The following KREMEN1 variants were observed in gnomAD, a reference collection of about 807,000 sequenced individuals.
KREMEN1 encodes the protein kringle containing transmembrane protein 1.
In KREMEN1, 30 loss-of-function variants were observed where a neutral mutation model predicts 46.5. That is an observed-to-expected ratio of 0.65 (90% CI 0.48 to 0.88). KREMEN1 has a LOEUF of 0.88. Ranked by LOEUF, KREMEN1 falls within the 40% of genes least tolerant of loss-of-function variation. KREMEN1 has a pLI of 0.00. For missense variants in KREMEN1, 533 were observed against 596.9 expected (o/e 0.89, Z 1.11); for synonymous variants, 214 against 230.6 (o/e 0.93, Z 0.65).
chr22:29,106,870 G>GT (rs1184076472), intron 3 of KREMEN1, among the ~76,000 whole-genome samples: 2 of 152,236 alleles, frequency 1.3e-5, no homozygotes, highest in Admixed American at 1.3e-4. Context: ...GGTTAACTCA[G>GT]TGGCGACAGA....
chr22:29,093,521 A>G (rs775209192), intron 1 of KREMEN1, among the ~76,000 whole-genome samples: 5 of 152,226 alleles, frequency 3.3e-5, no homozygotes, highest in Non-Finnish European at 7.3e-5. Context: ...TTAGAAACAC[A>G]TTGTTGCACC....
chr22:29,110,392 G>A (rs994173129), intron 3 of KREMEN1, among the ~76,000 whole-genome samples: 3 of 152,226 alleles, frequency 2.0e-5, no homozygotes, highest in East Asian at 1.9e-4. Flanking sequence ...GGCAAGGCCC[G>A]ATTTAAGAAG....
chr22:29,127,044 A>G (rs1489827408), intron 5 of KREMEN1, among the ~76,000 whole-genome samples: 1 of 152,236 alleles, frequency 6.6e-6, no homozygotes, highest in African/African-American at 2.4e-5. Flanking sequence ...AACTCAGGAG[A>G]GTAAGTTTTC....
rs2038857634 is a variant in KREMEN1 at position 29,146,141 on chromosome 22, G to C, written c.*4029G>C. On this transcript the variant is annotated 3_prime_UTR_variant, in exon 9 of 9. Coordinates refer to ENST00000400335, the MANE Select transcript of KREMEN1 (RefSeq NM_001039570.3). ...CACCACCTGGCACCGTTAGGTTTCA[G>C]ATCTCCCGTGTGGTGTTTGATGTCG... The C allele has an allele frequency of 7.1e-6, 7 of 985,876 alleles. No individual in the cohort carries two copies. The highest frequency in any genetic ancestry group is 8.4e-6 in the Non-Finnish European group (7 of 830,038). The allele number at this position is 985,876 out of a possible 1,614,324, so 61.1% of individuals were successfully genotyped here.
In KREMEN1 at chr22:29,098,919, C is replaced by T. The variant is rs375111393; in HGVS notation, c.318C>T (p.Val106=). The T allele has an allele frequency of 2.5e-6, 4 of 1,613,920 alleles. No homozygotes were observed. Among genetic ancestry groups the T allele is most frequent in the Non-Finnish European group, 3.4e-6 (4 of 1,179,906 alleles). ...WCYVAEHEDG[V]YWKYCEIPAC... ...ATGTGGCAGAGCACGAGGATGGTGT[C>T]TACTGGAAGTACTGTGAGATACCTG... The change falls in exon 3 of 9, where the codon GTC becomes GTT. Residue 106 remains valine (V), a synonymous_variant. Transcript: ENST00000400335.
In KREMEN1 at chr22:29,121,491, CTG is replaced by C. The variant is rs762066236; in HGVS notation, c.477+13_477+14del. ...GAGTCAGAGGTTCAAGGTGATGACT[CTG>C]TGGCTGTGTAACTATAGAAAAATAT... On this transcript the variant is annotated intron_variant, in intron 4 of 8. Transcript: ENST00000400335. 7.2e-5 allele frequency: 116 copies of C among 1,611,794 alleles called. No homozygotes were observed. The highest frequency in any genetic ancestry group is 8.7e-5 in the Non-Finnish European group (102 of 1,179,108).
intron 2 of KREMEN1, among the ~76,000 whole-genome samples, chr22:29,095,526 T>A (rs16987051): frequency 0.086 from 13,155 of 152,270 alleles, 826 homozygotes; most frequent in African/African-American, 0.17. Context: ...TTATTATTAG[T>A]ACAGGTGCAA....
In KREMEN1 at chr22:29,077,391, C is replaced by G. The variant is rs145192209; in HGVS notation, c.97+4164C>G. Among the ~76,000 whole-genome samples, 469 of 152,224 alleles carry G rather than the reference C, an allele frequency of 3.1e-3. 3 individuals carry two copies. The highest frequency in any genetic ancestry group is 0.011 in the African/African-American group (455 of 41,522). Reference sequence around the variant, plus strand: ...AAGAGACGGAGTCTCACTCTGTCACCCAAGCTGAAGTGCAGTGGCGCAATC... The same window carrying G: ...AAGAGACGGAGTCTCACTCTGTCACGCAAGCTGAAGTGCAGTGGCGCAATC... On this transcript the variant is annotated intron_variant, in intron 1 of 8. Coordinates refer to ENST00000400335, the MANE Select transcript of KREMEN1 (RefSeq NM_001039570.3).
intron 1 of KREMEN1, among the ~76,000 whole-genome samples, chr22:29,075,393 T>C (rs1190511390): frequency 1.3e-5 from 2 of 152,186 alleles, no homozygotes; most frequent in Admixed American, 1.3e-4. Context: ...CAGATATCTT[T>C]GCTTTTTTAA....
At chr22:29,139,851 C>T (rs944464768) in intron 7 of KREMEN1, among the ~76,000 whole-genome samples, 33 of 152,270 alleles carry the variant, frequency 2.2e-4, no homozygotes, top group African/African-American at 7.9e-4. Flanking sequence ...AGGGCCTGTC[C>T]AGCACTTCCT....
intron 1 of KREMEN1, among the ~76,000 whole-genome samples, chr22:29,076,742 C>A (rs930816059): frequency 6.6e-6 from 1 of 152,174 alleles, no homozygotes; most frequent in African/African-American, 2.4e-5. Flanking sequence ...ATCCCAGCTA[C>A]TTGGGAGGCT....
At chr22:29,138,514 C>A in intron 6 of KREMEN1, 110 bp from the exon 7 acceptor site, 1 of 1,149,514 alleles carries the variant, frequency 8.7e-7, no homozygotes, top group Non-Finnish European at 1.3e-6. Context: ...GGAATTGCAC[C>A]CAGAATTGAA....
At chr22:29,100,045 TCTTCTTTCTTC>T (rs1338264936) in intron 3 of KREMEN1, among the ~76,000 whole-genome samples, 12 of 151,630 alleles carry the variant, frequency 7.9e-5, no homozygotes, top group African/African-American at 2.9e-4. Context: ...CTTTTTCTAC[TCTTCTTTCTTC>T]CTTCTTTCTT....
At chr22:29,120,651 G>GAAGGAGGGAGAGGTGCTGACGGAAACA (rs1556010274) in intron 3 of KREMEN1, among the ~76,000 whole-genome samples, 2 of 151,872 alleles carry the variant, frequency 1.3e-5, no homozygotes, top group Admixed American at 6.6e-5. Context: ...GGAAACAGAG[G>GAAGGAGGGAGAGGTGCTGACGGAAACA]GTGAAATGGT....
exon 10 of KREMEN1, chr22:29,167,327 C>A (rs2039061481): frequency 1.4e-5 from 8 of 561,426 alleles, no homozygotes; most frequent in Non-Finnish European, 1.9e-5. Context: ...CCACCACACT[C>A]CAGCCTGAGC....
chr22:29,164,353 A>G (rs1049184078), intron 9 of KREMEN1, among the ~76,000 whole-genome samples: 1 of 152,222 alleles, frequency 6.6e-6, no homozygotes, highest in Non-Finnish European at 1.5e-5. Flanking sequence ...GTTACAAAGC[A>G]TGATTCCAGA....
Position 29,141,985 on chromosome 22 carries a change from A to G in KREMEN1, c.1250A>G (p.His417Arg). The G allele has an allele frequency of 1.9e-6, 3 of 1,612,978 alleles. No individual in the cohort carries two copies. The highest frequency in any genetic ancestry group is 2.5e-6 in the Non-Finnish European group (3 of 1,179,500). Reference protein sequence around the residue: ...VPASGDLRDCHQPGTSGEIWS... With the variant: ...VPASGDLRDCRQPGTSGEIWS... Reference sequence around the variant, plus strand: ...GCTTCAGGGGACCTTAGGGATTGTCATCAACCAGGGACTTCGGGGGAAATC... The same window carrying G: ...GCTTCAGGGGACCTTAGGGATTGTCGTCAACCAGGGACTTCGGGGGAAATC... The change falls in exon 9 of 9, where the codon CAT becomes CGT. Residue 417 changes from histidine (H) to arginine (R), a missense_variant. Transcript: ENST00000400335.
In KREMEN1 at chr22:29,142,668, C is replaced by T. The variant is rs1181271571; in HGVS notation, c.*556C>T. On this transcript the variant is annotated 3_prime_UTR_variant, in exon 9 of 9. Transcript: ENST00000400335. ...TGTAAAGAGGGCAGTGTCTGTGCTG[C>T]CCCGGCAGCTTTGCTCTCCAGATGC... is the stretch of plus-strand genomic sequence containing the variant. 1 of 985,372 alleles carries T rather than the reference C, an allele frequency of 1.0e-6. No homozygotes were observed. The highest frequency in any genetic ancestry group is 1.7e-5 in the African/African-American group (1 of 57,234). The allele number at this position is 985,372 out of a possible 1,614,324, so 61.0% of individuals were successfully genotyped here.
intron 5 of KREMEN1, among the ~76,000 whole-genome samples, chr22:29,132,670 G>A (rs561063727): frequency 8.5e-5 from 13 of 152,216 alleles, no homozygotes; most frequent in Admixed American, 7.2e-4. Flanking sequence ...TTGCCATCTG[G>A]TATATTCCTT....
Sources: gnomAD v4.1 joint callset for allele counts (sites outside exome capture counted in the v4.1 genomes callset) on GRCh38, gnomAD v4.1.1 for gene constraint, MANE v1.5 for transcripts, NCBI Gene and HGNC (gene_info 2026-07-23, HGNC 2026-07-21) for gene names.